MAML2: variants seen among roughly 807,000 people sequenced by gnomAD.
The protein encoded by MAML2 is mastermind-like protein 2.
Under a neutral mutation model 96.1 loss-of-function variants are expected in MAML2, and 22 were observed. The ratio of observed to expected loss-of-function variants is 0.23; its 90% confidence interval spans 0.16 to 0.33. The LOEUF (loss-of-function observed/expected upper bound fraction) is 0.33, where lower values mean the gene tolerates loss of function less well. Ranked by LOEUF, MAML2 falls within the 10% of genes least tolerant of loss-of-function variation. MAML2 has a pLI of 1.00. For synonymous variants in MAML2, 561 were observed against 521.3 expected (o/e 1.08, Z -1.04); for missense variants, 1,367 against 1,392.4 (o/e 0.98, Z 0.29).
chr11:96,051,274 C>T (rs1858985648), intron 2 of MAML2, among the ~76,000 whole-genome samples: 1 of 152,146 alleles, frequency 6.6e-6, no homozygotes, highest in South Asian at 2.1e-4. Context: ...TTAGTCCTCA[C>T]ATTCTATGGA....
intron 1 of MAML2, among the ~76,000 whole-genome samples, chr11:96,202,382 A>G (rs1185093839): frequency 3.3e-5 from 5 of 151,394 alleles, no homozygotes; most frequent in Non-Finnish European, 7.4e-5. Context: ...ATTATGTTTC[A>G]GCAGTTTTAT....
intron 1 of MAML2, among the ~76,000 whole-genome samples, chr11:96,153,972 C>T (rs1003549698): frequency 6.6e-6 from 1 of 151,798 alleles, no homozygotes. Flanking sequence ...AAAATAGTAA[C>T]GATGTCACTG....
intron 2 of MAML2, among the ~76,000 whole-genome samples, chr11:96,019,608 A>G (rs1190832310): frequency 2.0e-5 from 3 of 151,396 alleles, no homozygotes; most frequent in African/African-American, 7.3e-5. Context: ...AAGGTAACCT[A>G]ACTTTCTGAG....
intron 1 of MAML2, among the ~76,000 whole-genome samples, chr11:96,194,811 T>TTCAATTCATGATCCCTCC (rs1565244544): frequency 0.019 from 2,838 of 152,314 alleles, 96 homozygotes; most frequent in African/African-American, 0.065. Context: ...AAAATCCTTC[T>TTCAATTCATGATCCCTCC]GAGGTTCAAT....
chr11:96,190,043 A>T (rs537895321), intron 1 of MAML2, among the ~76,000 whole-genome samples: 91 of 152,198 alleles, frequency 6.0e-4, no homozygotes, highest in Non-Finnish European at 1.1e-3. Context: ...TCACACTGAA[A>T]ATTTGTTAAG....
intron 1 of MAML2, among the ~76,000 whole-genome samples, chr11:96,174,711 C>T (rs1463761978): frequency 6.6e-6 from 1 of 152,182 alleles, no homozygotes; most frequent in African/African-American, 2.4e-5. Flanking sequence ...ACTTAAGTAC[C>T]CACAAGCCCA....
chr11:95,991,969 G>A (rs529138702), intron 2 of MAML2, among the ~76,000 whole-genome samples: 1 of 152,208 alleles, frequency 6.6e-6, no homozygotes, highest in East Asian at 1.9e-4. Flanking sequence ...CTCTGATTGT[G>A]GAACCTCCAC....
chr11:96,182,240 T>C (rs1184622871), intron 1 of MAML2, among the ~76,000 whole-genome samples: 3 of 152,224 alleles, frequency 2.0e-5, no homozygotes, highest in Non-Finnish European at 4.4e-5. Flanking sequence ...AAATGTAATG[T>C]TCTACAAATA....
chr11:95,995,420 A>G (rs934795944), intron 2 of MAML2, among the ~76,000 whole-genome samples: 4 of 152,120 alleles, frequency 2.6e-5, no homozygotes, highest in East Asian at 3.9e-4. Context: ...TTCTTTTAAC[A>G]TCCAATTATT....
At chr11:96,249,186 C>T (rs1813164677) in intron 1 of MAML2, among the ~76,000 whole-genome samples, 1 of 152,178 alleles carries the variant, frequency 6.6e-6, no homozygotes, top group South Asian at 2.1e-4. Context: ...TCTTCACTAG[C>T]CTTTTGGGGC....
At chr11:96,337,252 G>A (rs1863932643) in intron 1 of MAML2, among the ~76,000 whole-genome samples, 3 of 152,086 alleles carry the variant, frequency 2.0e-5, no homozygotes, top group Non-Finnish European at 4.4e-5. Context: ...TGTCCTAGGA[G>A]GACATTTATC....
chr11:96,343,110 T>G lies in MAML2; in HGVS notation c.-1215A>C, dbSNP rs2136026167. The G allele has an allele frequency of 5.0e-6, 2 of 398,640 alleles. No individual in the cohort carries two copies. Among genetic ancestry groups the G allele is most frequent in the Non-Finnish European group, 8.8e-6 (2 of 226,076 alleles). 24.7% of individuals were successfully genotyped at this position (398,640 alleles called of 1,614,324 possible). A position where few individuals can be genotyped will look rare whatever the true frequency, so the allele number is the denominator to read the frequency against. ...CTTTCTCGTCTGTTGTTAGCCGCTT[T>G]GCTGACACTGGCTCGCGCCCGGAGT... On this transcript the variant is annotated 5_prime_UTR_variant, in exon 1 of 5. Coordinates refer to ENST00000524717, the MANE Select transcript of MAML2 (RefSeq NM_032427.4).
At chr11:96,125,754 C>T (rs1860428311) in intron 1 of MAML2, among the ~76,000 whole-genome samples, 1 of 152,186 alleles carries the variant, frequency 6.6e-6, no homozygotes, top group African/African-American at 2.4e-5. Context: ...TTAATCATCT[C>T]CTCTTCCCTT....
intron 1 of MAML2, among the ~76,000 whole-genome samples, chr11:96,209,624 GA>G (rs1378898377): frequency 1.3e-5 from 2 of 151,646 alleles, no homozygotes; most frequent in East Asian, 1.9e-4. Context: ...AAAGTATCAA[GA>G]AAAAAATAAT....
chr11:96,343,090 TCGTCTGTTG>T lies in MAML2; in HGVS notation c.-1204_-1196del. The T allele has an allele frequency of 2.5e-6, 1 of 398,636 alleles. No homozygotes were observed. 24.7% of individuals were successfully genotyped at this position (398,636 alleles called of 1,614,324 possible). A position where few individuals can be genotyped will look rare whatever the true frequency, so the allele number is the denominator to read the frequency against. ...TAGCTTGTATTTTCCTTTCTCTTTC[TCGTCTGTTG>T]TTAGCCGCTTTGCTGACACTGGCTC... On this transcript the variant is annotated 5_prime_UTR_variant, in exon 1 of 5. Transcript: ENST00000524717.
chr11:96,087,850 C>T (rs530126079), intron 2 of MAML2, among the ~76,000 whole-genome samples: 46 of 152,262 alleles, frequency 3.0e-4, no homozygotes, highest in African/African-American at 1.0e-3. Context: ...TTGCAAAACA[C>T]CAAATTCATG....
intron 2 of MAML2, among the ~76,000 whole-genome samples, chr11:96,061,315 G>A (rs556102641): frequency 6.6e-6 from 1 of 152,312 alleles, no homozygotes; most frequent in Admixed American, 6.5e-5. Context: ...CAGAGATGGT[G>A]CAATTTCAAC....
chr11:96,252,481 A>C (rs1263555415), intron 1 of MAML2, among the ~76,000 whole-genome samples: 2 of 137,626 alleles, frequency 1.5e-5, no homozygotes, highest in Non-Finnish European at 3.0e-5. Flanking sequence ...GCTGGAGTGC[A>C]GTGGAGCGAT....
intron 1 of MAML2, among the ~76,000 whole-genome samples, chr11:96,201,747 G>A (rs374892738): frequency 4.6e-5 from 7 of 151,684 alleles, no homozygotes; most frequent in African/African-American, 1.5e-4. Flanking sequence ...GTGAAACCCC[G>A]TCTCTACTAA....
Sources: allele counts gnomAD v4.1 joint callset (sites outside exome capture counted in the v4.1 genomes callset), GRCh38; gene constraint gnomAD v4.1.1; transcripts MANE v1.5; gene names NCBI Gene and HGNC (gene_info 2026-07-23, HGNC 2026-07-21).